The following CD226 variants were observed in gnomAD, a reference collection of about 807,000 sequenced individuals.
The protein encoded by CD226 is CD226 molecule.
In CD226, 24 loss-of-function variants were observed where a neutral mutation model predicts 34.9. The observed-to-expected ratio is 0.69, with a 90% CI of 0.50 to 0.97. The LOEUF (loss-of-function observed/expected upper bound fraction) is 0.97, where lower values mean the gene tolerates loss of function less well. CD226 is among the 50% of genes least tolerant of loss of function. CD226 has a pLI of 0.00. For synonymous variants in CD226, 148 were observed against 147.4 expected (o/e 1.00, Z -0.03); for missense variants, 397 against 412.7 (o/e 0.96, Z 0.33).
intron 4 of CD226, among the ~76,000 whole-genome samples, chr18:69,869,126 C>T (rs1211348573): frequency 1.3e-5 from 2 of 152,146 alleles, no homozygotes; most frequent in African/African-American, 4.8e-5. Flanking sequence ...GACAGAAATA[C>T]CATTTGACCC....
At chr18:69,907,343 G>C (rs112536948) in intron 2 of CD226, among the ~76,000 whole-genome samples, 6,768 of 152,234 alleles carry the variant, frequency 0.044, 530 homozygotes, top group African/African-American at 0.15. Flanking sequence ...TTCAGATGGA[G>C]TCCCACTCTG....
chr18:69,952,873 T>C (rs903854271), upstream of CD226, among the ~76,000 whole-genome samples: 3 of 152,162 alleles, frequency 2.0e-5, no homozygotes, highest in African/African-American at 7.2e-5. Flanking sequence ...ATCCATAATA[T>C]ATAAGGAACT....
At chr18:69,892,410 T>C (rs1196389527) in intron 3 of CD226, among the ~76,000 whole-genome samples, 2 of 152,362 alleles carry the variant, frequency 1.3e-5, no homozygotes, top group East Asian at 3.9e-4. Flanking sequence ...CTGTAGTCAC[T>C]GTCAATAAAC....
intron 2 of CD226, among the ~76,000 whole-genome samples, chr18:69,940,693 A>T (rs1376432895): frequency 6.6e-6 from 1 of 152,210 alleles, no homozygotes; most frequent in African/African-American, 2.4e-5. Context: ...GGGGCAAAGC[A>T]TTCAAGAGGA....
intron 3 of CD226, among the ~76,000 whole-genome samples, chr18:69,886,503 C>T (rs1374975212): frequency 1.3e-5 from 2 of 152,066 alleles, no homozygotes; most frequent in Admixed American, 1.3e-4. Context: ...GTCAGGACTT[C>T]GAGACCAGCT....
chr18:69,890,190 A>G (rs1047130354), intron 3 of CD226, among the ~76,000 whole-genome samples: 3 of 152,232 alleles, frequency 2.0e-5, no homozygotes, highest in South Asian at 2.1e-4. Context: ...CATTAACATA[A>G]TCGGTCAAGA....
upstream of CD226, chr18:69,961,730 C>T (rs1248837734): frequency 6.6e-6 from 1 of 152,158 alleles, no homozygotes; most frequent in East Asian, 1.9e-4. Context: ...TACACACACA[C>T]CTTAAGGACT....
intron 2 of CD226, among the ~76,000 whole-genome samples, chr18:69,935,299 T>A (rs905094151): frequency 6.6e-6 from 1 of 152,238 alleles, no homozygotes. Flanking sequence ...TAAGGCCTTT[T>A]TGAAGGTCAC....
At chr18:69,866,636 T>C (rs917600965) in intron 5 of CD226, among the ~76,000 whole-genome samples, 2 of 152,250 alleles carry the variant, frequency 1.3e-5, no homozygotes, top group African/African-American at 2.4e-5. Context: ...AATAACCTTA[T>C]GACATAAAAA....
At chr18:69,911,609 T>C (rs1026205747) in intron 2 of CD226, among the ~76,000 whole-genome samples, 1 of 152,154 alleles carries the variant, frequency 6.6e-6, no homozygotes, top group African/African-American at 2.4e-5. Flanking sequence ...CTAACACTCA[T>C]ATAAGTTTGG....
intron 3 of CD226, among the ~76,000 whole-genome samples, chr18:69,878,415 G>A (rs1984009811): frequency 6.6e-6 from 1 of 152,156 alleles, no homozygotes; most frequent in Admixed American, 6.5e-5. Context: ...AAGTATTTAT[G>A]GCTGAGTTAT....
chr18:69,916,354 T>C (rs1025956983), intron 2 of CD226, among the ~76,000 whole-genome samples: 14 of 152,190 alleles, frequency 9.2e-5, no homozygotes, highest in Non-Finnish European at 2.9e-5. Context: ...TAATTTAGTA[T>C]GACATTGACC....
At chr18:69,924,328 T>C (rs1467244169) in intron 2 of CD226, among the ~76,000 whole-genome samples, 1 of 152,304 alleles carries the variant, frequency 6.6e-6, no homozygotes, top group South Asian at 2.1e-4. Flanking sequence ...TGGAAATTTA[T>C]ATTGCATTGC....
At chr18:69,876,513 A>G (rs2145198193) in intron 3 of CD226, among the ~76,000 whole-genome samples, 1 of 152,328 alleles carries the variant, frequency 6.6e-6, no homozygotes, top group East Asian at 1.9e-4. Context: ...CTTTAAACAC[A>G]AAGTATTTCA....
At chr18:69,893,931 C>T (rs2145236774) in intron 3 of CD226, among the ~76,000 whole-genome samples, 1 of 152,300 alleles carries the variant, frequency 6.6e-6, no homozygotes, top group Admixed American at 6.5e-5. Flanking sequence ...TCATTTTCAA[C>T]ACAGGAAGAA....
intron 2 of CD226, among the ~76,000 whole-genome samples, chr18:69,929,282 T>C (rs2055560998): frequency 6.6e-6 from 1 of 152,168 alleles, no homozygotes; most frequent in Admixed American, 6.5e-5. Flanking sequence ...GTTTGCAAAC[T>C]GTGGTGTGGA....
intron 2 of CD226, among the ~76,000 whole-genome samples, chr18:69,907,017 G>C (rs1265210769): frequency 1.3e-5 from 2 of 152,158 alleles, no homozygotes; most frequent in Non-Finnish European, 2.9e-5. Flanking sequence ...CACTGATCAA[G>C]GGACCCTGAT....
intron 2 of CD226, among the ~76,000 whole-genome samples, chr18:69,920,674 GTGATAAA>G (rs2055440304): frequency 6.6e-6 from 1 of 152,158 alleles, no homozygotes; most frequent in African/African-American, 2.4e-5. Flanking sequence ...GGCACGATGT[GTGATAAA>G]CACTTTGCAG....
At chr18:69,864,489 A>G in intron 5 of CD226, 50 bp from the exon 6 acceptor site, 1 of 1,579,428 alleles carries the variant, frequency 6.3e-7, no homozygotes. Flanking sequence ...CATTTCAACA[A>G]CTAATGAAGA....
Sources: gnomAD v4.1 joint callset for allele counts (sites outside exome capture counted in the v4.1 genomes callset) on GRCh38, gnomAD v4.1.1 for gene constraint, MANE v1.5 for transcripts, NCBI Gene and HGNC (gene_info 2026-07-23, HGNC 2026-07-21) for gene names.